COL5A2: variants seen among roughly 807,000 people sequenced by gnomAD.
The protein encoded by COL5A2 is collagen type V alpha 2 chain.
COL5A2 carries 23 observed loss-of-function variants against 208.2 expected under a neutral mutation model. The ratio of observed to expected loss-of-function variants is 0.11; its 90% CI spans 0.08 to 0.16. The LOEUF is 0.16. Ranked by LOEUF, COL5A2 falls within the 10% of genes least tolerant of loss-of-function variation. The pLI, the probability that COL5A2 is intolerant of heterozygous loss-of-function variation, is 1.00. For missense variants in COL5A2, 1,590 were observed against 1,956.4 expected (o/e 0.81, Z 3.53); for synonymous variants, 625 against 628.5 (o/e 0.99, Z 0.08).
rs34715449 is a variant in COL5A2, at chr2:189,057,290, GAAAAAAAAAA to G, written c.2337+20_2337+29del. The G allele has an allele frequency of 5.9e-5, 42 of 710,654 alleles. No individual in the cohort carries two copies. Among genetic ancestry groups the G allele is most frequent in the Non-Finnish European group, 8.1e-5 (38 of 469,040 alleles). 44.0% of individuals were successfully genotyped at this position (710,654 alleles called of 1,614,324 possible). ...AGCAGAAAGTCTGAATAAATGAACTGAAAAAAAAAAAAAAAAAAAAAGGACTTACTCTGTC... is the reference window on the plus strand; with the variant it reads ...AGCAGAAAGTCTGAATAAATGAACTGAAAAAAAAAAAGGACTTACTCTGTC... On this transcript the variant is annotated intron_variant, in intron 34 of 53. Coordinates refer to ENST00000374866, the MANE Select transcript of COL5A2 (RefSeq NM_000393.5).
intron 12 of COL5A2, among the ~76,000 whole-genome samples, chr2:189,082,825 A>C (rs1448446742): frequency 6.6e-6 from 1 of 152,202 alleles, no homozygotes; most frequent in Non-Finnish European, 1.5e-5. Flanking sequence ...TGGGAAGTTC[A>C]AACCTGGATG....
At chr2:189,073,128 A>T (rs142276468) in intron 17 of COL5A2, among the ~76,000 whole-genome samples, 3,707 of 152,118 alleles carry the variant, frequency 0.024, 100 homozygotes, top group Admixed American at 0.072. Context: ...AATAGCTTTA[A>T]ATTTATTTTA....
chr2:189,081,186 T>C lies in COL5A2; in HGVS notation c.853-143A>G, dbSNP rs866708437. 25 of 687,928 alleles carry C rather than the reference T, an allele frequency of 3.6e-5. No individual in the cohort carries two copies. In the Middle Eastern group the frequency reaches 2.4e-3, roughly 66 times the overall value. 42.6% of individuals were successfully genotyped at this position (687,928 alleles called of 1,614,324 possible). On this transcript the variant is annotated intron_variant, in intron 12 of 53. Coordinates refer to ENST00000374866, the MANE Select transcript of COL5A2 (RefSeq NM_000393.5). The stretch of plus-strand genomic sequence containing the variant: ...AAGAACAAAAAAAAGCAGTATACTT[T>C]TATCTGTCAAAATATATCTGGGTGA...
intron 50 of COL5A2, among the ~76,000 whole-genome samples, chr2:189,040,502 T>C (rs780529088): frequency 7.2e-5 from 11 of 152,232 alleles, no homozygotes; most frequent in Middle Eastern, 3.4e-3. Context: ...AAGAGACACA[T>C]AGTCCACATC....
intron 1 of COL5A2, among the ~76,000 whole-genome samples, chr2:189,195,220 C>T (rs1032274914): frequency 1.2e-4 from 18 of 152,146 alleles, no homozygotes; most frequent in African/African-American, 3.4e-4. Context: ...TTCACAATTG[C>T]TACAAACAAT....
In COL5A2 at chr2:189,188,937, A is replaced by G. The variant is rs73034860; in HGVS notation, c.-42+36211T>C. The stretch of plus-strand genomic sequence containing the variant: ...CAGTATTTTGTTTAATACTTTAAAG[A>G]CTTCTGTGTATTGGAGAAAACTATC... On this transcript the variant is annotated intron_variant, in intron 1 of 10. Transcript: ENST00000649966. Among the ~76,000 whole-genome samples, 35 of 152,304 alleles carry G rather than the reference A, an allele frequency of 2.3e-4. 1 individual carries two copies. The highest frequency in any genetic ancestry group is 8.4e-4 in the African/African-American group (35 of 41,560).
At chr2:189,197,116 T>C (rs1689011925) in intron 1 of COL5A2, among the ~76,000 whole-genome samples, 1 of 152,126 alleles carries the variant, frequency 6.6e-6, no homozygotes, top group African/African-American at 2.4e-5. Flanking sequence ...TTAAAAGGAA[T>C]GAGATCATGT....
chr2:189,068,130 G>A lies in COL5A2; in HGVS notation c.1303-17C>T. 1 of 1,608,468 alleles carries A rather than the reference G, an allele frequency of 6.2e-7. No individual in the cohort carries two copies. The highest frequency in any genetic ancestry group is 2.2e-5 in the East Asian group (1 of 44,834). On this transcript the variant is annotated splice_polypyrimidine_tract_variant and intron_variant, in intron 20 of 53. Coordinates refer to ENST00000374866, the MANE Select transcript of COL5A2 (RefSeq NM_000393.5). ...TGGAGAGCCCTATTAAACAGCAAGAGTGATGTGGTAAGTAGAGACACAGGT... is the reference window on the plus strand; with the variant it reads ...TGGAGAGCCCTATTAAACAGCAAGAATGATGTGGTAAGTAGAGACACAGGT...
At chr2:189,058,924 C>T (rs754271334) in intron 31 of COL5A2, 31 bp from the exon 32 acceptor site, 3 of 1,596,986 alleles carry the variant, frequency 1.9e-6, no homozygotes, top group East Asian at 2.2e-5. Flanking sequence ...TTTAATGGAA[C>T]AAGAGCTTTG....
chr2:189,298,417 A>G, the COL5A2 span, among the ~76,000 whole-genome samples: 1 of 151,938 alleles, frequency 6.6e-6, no homozygotes, highest in African/African-American at 2.4e-5. Flanking sequence ...CTCCAATTCC[A>G]TCTCCCTCCC....
the COL5A2 span, among the ~76,000 whole-genome samples, chr2:189,319,381 G>C: frequency 6.6e-6 from 1 of 152,220 alleles, no homozygotes; most frequent in Non-Finnish European, 1.5e-5. Flanking sequence ...GCCTAATCCG[G>C]GAAGTGCAAG....
At chr2:189,309,158 T>A in the COL5A2 span, among the ~76,000 whole-genome samples, 1 of 152,146 alleles carries the variant, frequency 6.6e-6, no homozygotes, top group African/African-American at 2.4e-5. Context: ...GTCAGGCAAG[T>A]ATCAGGTGAT....
intron 1 of COL5A2, among the ~76,000 whole-genome samples, chr2:189,201,693 A>G (rs2105857680): frequency 6.6e-6 from 1 of 152,176 alleles, no homozygotes; most frequent in African/African-American, 2.4e-5. Flanking sequence ...CACATCAAAG[A>G]CAAAGCATTA....
Position 189,035,044 on chromosome 2 carries a change from C to A in COL5A2, c.4225G>T (p.Val1409Leu). The change falls in exon 53 of 54, where the codon GTA (valine) becomes TTA (leucine). Residue 1409 changes from valine (V) to leucine (L), a missense_variant. By Grantham distance (32) the Val-to-Leu change is conservative. Coordinates refer to ENST00000374866, the MANE Select transcript of COL5A2 (RefSeq NM_000393.5). ...TTAGCTTGATCGTCCATGTATCCTACACTGTTTTTACAGATGTAAGTGATG... is the reference window on the plus strand; with the variant it reads ...TTAGCTTGATCGTCCATGTATCCTAAACTGTTTTTACAGATGTAAGTGATG... ...QNITYICKNS[V>L]GYMDDQAKNL... is the part of the protein sequence containing the mutation. 6.2e-7 allele frequency: 1 copy of A among 1,613,870 alleles called. No homozygotes were observed. Among genetic ancestry groups the A allele is most frequent in the Non-Finnish European group, 8.5e-7 (1 of 1,179,874 alleles).
the COL5A2 span, among the ~76,000 whole-genome samples, chr2:189,389,744 A>C: frequency 1.3e-5 from 2 of 152,310 alleles, no homozygotes; most frequent in East Asian, 3.9e-4. Flanking sequence ...ATCACATAAC[A>C]TGGTTTCTCT....
At chr2:189,370,815 G>A in the COL5A2 span, among the ~76,000 whole-genome samples, 1 of 152,028 alleles carries the variant, frequency 6.6e-6, no homozygotes, top group African/African-American at 2.4e-5. Context: ...ATGCTCACAG[G>A]AACAGAAACA....
At chr2:189,144,634 T>C (rs1326580699) in intron 1 of COL5A2, among the ~76,000 whole-genome samples, 1 of 151,864 alleles carries the variant, frequency 6.6e-6, no homozygotes, top group African/African-American at 2.4e-5. Context: ...ACATATATTT[T>C]ATATATATAC....
the COL5A2 span, among the ~76,000 whole-genome samples, chr2:189,371,512 G>T: frequency 6.6e-6 from 1 of 152,212 alleles, no homozygotes; most frequent in Non-Finnish European, 1.5e-5. Flanking sequence ...GCTAGGCTGA[G>T]AAGGTCTCAG....
the COL5A2 span, among the ~76,000 whole-genome samples, chr2:189,321,186 C>A: frequency 6.6e-6 from 1 of 152,198 alleles, no homozygotes; most frequent in African/African-American, 2.4e-5. Flanking sequence ...TGGAGAGGAA[C>A]AACCAGTACC....
Sources: gnomAD v4.1 joint callset for allele counts (sites outside exome capture counted in the v4.1 genomes callset) on GRCh38, gnomAD v4.1.1 for gene constraint, MANE v1.5 for transcripts, NCBI Gene and HGNC (gene_info 2026-07-23, HGNC 2026-07-21) for gene names.